The following ARHGEF17 variants were observed in gnomAD, a reference collection of about 807,000 sequenced individuals.
ARHGEF17 encodes the protein Rho guanine nucleotide exchange factor 17, also known as 164 kDa Rho-specific guanine-nucleotide exchange factor.
In ARHGEF17, 80 loss-of-function variants were observed where a neutral mutation model predicts 174.0. That is an observed-to-expected ratio of 0.46 (90% CI 0.38 to 0.55). The LOEUF is 0.55. ARHGEF17 is among the 20% of genes least tolerant of loss of function. ARHGEF17 has a pLI of 0.00. For synonymous variants in ARHGEF17, 1,311 were observed against 1,189.1 expected (o/e 1.10, Z -2.11); for missense variants, 2,886 against 2,839.7 (o/e 1.02, Z -0.37).
At chr11:73,366,766 G>A (rs145145228) in intron 20 of ARHGEF17, among the ~76,000 whole-genome samples, 6 of 152,224 alleles carry the variant, frequency 3.9e-5, no homozygotes, top group East Asian at 3.9e-4. Context: ...ATGGCCGGGC[G>A]TGGTGGCTGA....
At position 73,317,017 on chromosome 11, in the gene ARHGEF17, A is replaced by AGCT. The variant is rs1263916210; in HGVS notation, c.3192+5188_3192+5190dup. On this transcript the variant is annotated intron_variant, in intron 1 of 20. Transcript: ENST00000263674. ...ACCCCAATGTTCAAGGTGAACACAG[A>AGCT]GCTACAACTTCTCACATGGCTGGGC... Among the ~76,000 whole-genome samples the AGCT allele has an allele frequency of 1.5e-3, 221 of 151,408 alleles. 4 individuals are homozygous for AGCT. Among genetic ancestry groups the AGCT allele is most frequent in the Admixed American group, 0.014 (218 of 15,274 alleles).
chr11:73,311,730 C>CTCTGGCTGCACCGCCCA lies in ARHGEF17; in HGVS notation c.3108_3109insATCTGGCTGCACCGCCC (p.Ser1037IlefsTer42), dbSNP rs1565185940. ...GTGCCAGTGGACATGCCCTGCTTGC[C>CTCTGGCTGCACCGCCCA]TCTGGCTGCACCGCCCTCTGCTGAG... On this transcript the variant is annotated frameshift_variant, in exon 1 of 21. Transcript: ENST00000263674. LOFTEE classifies it high-confidence loss of function. The CTCTGGCTGCACCGCCCA allele has an allele frequency of 6.2e-7, 1 of 1,613,280 alleles. No homozygotes were observed. Among genetic ancestry groups the CTCTGGCTGCACCGCCCA allele is most frequent in the Non-Finnish European group, 8.5e-7 (1 of 1,180,036 alleles).
chr11:73,310,730 G>A lies in ARHGEF17; in HGVS notation c.2092G>A (p.Glu698Lys). 1.2e-6 allele frequency: 2 copies of A among 1,612,202 alleles called. No homozygotes were observed. Among genetic ancestry groups the A allele is most frequent in the Non-Finnish European group, 1.7e-6 (2 of 1,179,084 alleles). ...GGGCGGGTGGGCCCTGGTGTCGCCTGAGACCCCTCCCACACCAGGTGCCCT... is the reference window on the plus strand; with the variant it reads ...GGGCGGGTGGGCCCTGGTGTCGCCTAAGACCCCTCCCACACCAGGTGCCCT... Reference protein sequence around the residue: ...SLGGWALVSPETPPTPGALRR... With the variant: ...SLGGWALVSPKTPPTPGALRR... The change falls in exon 1 of 21, where the codon GAG becomes AAG. Residue 698 changes from glutamate to lysine, a missense_variant. Glu to Lys is a moderately conservative substitution (Grantham distance 56). Coordinates refer to ENST00000263674, the MANE Select transcript of ARHGEF17 (RefSeq NM_014786.4).
At position 73,365,504 on chromosome 11, in the gene ARHGEF17, G is replaced by T. The variant is rs1008030441; in HGVS notation, c.5665G>T (p.Asp1889Tyr). The T allele has an allele frequency of 1.2e-6, 2 of 1,614,172 alleles. No individual in the cohort carries two copies. The highest frequency in any genetic ancestry group is 1.7e-6 in the Non-Finnish European group (2 of 1,180,048). Residue 1889 changes from aspartate (D) to tyrosine (Y), a missense_variant, in exon 19 of 21, where the codon GAC (aspartate) becomes TAC (tyrosine). By Grantham distance (160) the Asp-to-Tyr change is radical (BLOSUM62 -3). Around this residue, in one of 4 missense-constraint regions of ARHGEF17, gnomAD observed 329 missense variants for 435.2 expected, o/e 0.76. Transcript: ENST00000263674. This position sits in a 1 kb window ranked among gnomAD's most constrained non-coding sequence, Gnocchi z 4.9. ...GSAHVCLYHPDTFEQLAEVDV... is the reference protein window; with the variant it reads ...GSAHVCLYHPYTFEQLAEVDV... ...TGCCCACGTGTGTCTCTACCATCCAGACACCTTTGAGCAGCTGGCAGAAGT... is the reference window on the plus strand; with the variant it reads ...TGCCCACGTGTGTCTCTACCATCCATACACCTTTGAGCAGCTGGCAGAAGT...
rs1327875344 is a variant in ARHGEF17, at chr11:73,365,809, G to A, written c.5857G>A (p.Val1953Ile). Residue 1953 changes from valine to isoleucine, a missense_variant, in exon 20 of 21, where the codon GTC becomes ATC. Val to Ile is a conservative substitution (Grantham distance 29, BLOSUM62 3). Coordinates refer to ENST00000263674, the MANE Select transcript of ARHGEF17 (RefSeq NM_014786.4). This position sits in a 1 kb window ranked among gnomAD's most constrained non-coding sequence, Gnocchi z 4.9. ...VLTMPTSPGT[V>I]SCPRAPLSPT... The stretch of plus-strand genomic sequence containing the variant: ...CACCATGCCCACTTCGCCCGGTACT[G>A]TCAGCTGCCCACGGGCACCACTCAG... The A allele has an allele frequency of 6.2e-7, 1 of 1,613,620 alleles. No individual in the cohort carries two copies. The highest frequency in any genetic ancestry group is 2.2e-5 in the East Asian group (1 of 44,890).
intron 1 of ARHGEF17, among the ~76,000 whole-genome samples, chr11:73,329,666 C>A (rs983424205): frequency 1.3e-5 from 2 of 152,078 alleles, no homozygotes; most frequent in Non-Finnish European, 2.9e-5. Flanking sequence ...TCCCAAAGTG[C>A]TGGGATTACA....
Position 73,356,957 on chromosome 11 carries a change from A to C in ARHGEF17, c.3892-68A>C. 1.9e-6 allele frequency: 3 copies of C among 1,555,234 alleles called. No homozygotes were observed. In the South Asian group the frequency reaches 3.4e-5, roughly 17 times the overall value. ...CCTGGGTCTCAGTGTCCCCTTGGGC[A>C]CTATGGGCAGGGGGGTGGGCTTCTG... On this transcript the variant is annotated intron_variant, in intron 7 of 20. Coordinates refer to ENST00000263674, the MANE Select transcript of ARHGEF17 (RefSeq NM_014786.4).
intron 9 of ARHGEF17, among the ~76,000 whole-genome samples, chr11:73,358,246 CAA>C (rs1187812542): frequency 6.6e-6 from 1 of 152,136 alleles, no homozygotes; most frequent in East Asian, 1.9e-4. Context: ...AATTTATAAA[CAA>C]GAGGAATGTA....
Position 73,310,981 on chromosome 11 carries a change from T to C in ARHGEF17, c.2343T>C (p.Ser781=). 1.2e-6 allele frequency: 2 copies of C among 1,614,036 alleles called. No homozygotes were observed. Among genetic ancestry groups the C allele is most frequent in the Non-Finnish European group, 1.7e-6 (2 of 1,179,976 alleles). The change falls in exon 1 of 21, where the codon AGT becomes AGC. Residue 781 remains serine (S), a synonymous_variant. Transcript: ENST00000263674. The part of the protein sequence containing the change: ...ATSAMDEGLT[S]GHSDWSVGSE... ...CAGCCATGGATGAGGGCTTGACCAG[T>C]GGTCACAGTGACTGGTCTGTGGGCA...
Position 73,355,522 on chromosome 11 carries a change from C to T in ARHGEF17, c.3454-11C>T, listed in dbSNP as rs867664812. On this transcript the variant is annotated splice_polypyrimidine_tract_variant and intron_variant, in intron 3 of 20. Coordinates refer to ENST00000263674, the MANE Select transcript of ARHGEF17 (RefSeq NM_014786.4). ...ACCTTGAGGGTCCCCAACCTGCCTC[C>T]TCCTCCACAGTTCTCCAAGGATGTC... The T allele has an allele frequency of 6.2e-7, 1 of 1,606,596 alleles. No individual in the cohort carries two copies. The highest frequency in any genetic ancestry group is 8.5e-7 in the Non-Finnish European group (1 of 1,173,226).
chr11:73,330,465 T>C (rs913063621), intron 1 of ARHGEF17, among the ~76,000 whole-genome samples: 5 of 152,234 alleles, frequency 3.3e-5, no homozygotes, highest in African/African-American at 1.2e-4. Flanking sequence ...GAGTTATGAC[T>C]GCAACTCTTT....
rs1270580669 is a variant in ARHGEF17 at position 73,329,358 on chromosome 11, TATATATA to T, written c.3193-17524_3193-17518del. ...ATATATATATATATATATATATATA[TATATATA>T]TATATATATTTTTTTTTTTTTTTTG... On this transcript the variant is annotated intron_variant, in intron 1 of 20. Transcript: ENST00000263674. 9.7e-4 allele frequency among the ~76,000 whole-genome samples: 22 copies of T among 22,680 alleles called. 4 individuals carry two copies. Among genetic ancestry groups the T allele is most frequent in the African/African-American group, 4.6e-3 (17 of 3,698 alleles). 14.9% of individuals were successfully genotyped at this position (22,680 alleles called of 152,430 possible).
At position 73,308,833 on chromosome 11, in the gene ARHGEF17, C is replaced by G; in HGVS notation, c.195C>G (p.Pro65=). 7.5e-7 allele frequency: 1 copy of G among 1,340,888 alleles called. No homozygotes were observed. The highest frequency in any genetic ancestry group is 4.1e-5 in the Admixed American group (1 of 24,288). The allele number at this position is 1,340,888 out of a possible 1,614,324, so 83.1% of individuals were successfully genotyped here. The change falls in exon 1 of 21, where the codon CCC becomes CCG. Residue 65 remains proline, a synonymous_variant. Coordinates refer to ENST00000263674, the MANE Select transcript of ARHGEF17 (RefSeq NM_014786.4). ...SRRVSKLASG[P]LAAPAQPRPL... ...GCGTGTCCAAGCTGGCGTCTGGGCC[C>G]CTGGCCGCCCCCGCGCAGCCGCGCC...
chr11:73,365,664 G>C lies in ARHGEF17; in HGVS notation c.5726-14G>C, dbSNP rs182758129. 5 of 1,610,712 alleles carry C rather than the reference G, an allele frequency of 3.1e-6. No individual in the cohort carries two copies. Among genetic ancestry groups the C allele is most frequent in the East Asian group, 2.2e-5 (1 of 44,812 alleles). On this transcript the variant is annotated splice_polypyrimidine_tract_variant and intron_variant, in intron 19 of 20. Coordinates refer to ENST00000263674, the MANE Select transcript of ARHGEF17 (RefSeq NM_014786.4). This position sits in a 1 kb window ranked among gnomAD's most constrained non-coding sequence, Gnocchi z 4.9. ...CAGAATTCAGCCCCAGCTGTGGTCT[G>C]TCTCCCACCCCAGGCTCGGATGCCA... is the stretch of plus-strand genomic sequence containing the variant.
intron 16 of ARHGEF17, 63 bp downstream of exon 16, chr11:73,363,896 C>A: frequency 6.6e-7 from 1 of 1,511,536 alleles, no homozygotes; most frequent in Admixed American, 1.7e-5. Context: ...AGGCCTCCTT[C>A]TGTTCATCTG....
intron 15 of ARHGEF17, 119 bp downstream of exon 15, chr11:73,363,574 G>A: frequency 6.6e-7 from 1 of 1,510,252 alleles, no homozygotes; most frequent in Non-Finnish European, 8.9e-7. Flanking sequence ...CAGGGGTACT[G>A]CTGACCAGGG....
Position 73,357,050 on chromosome 11 carries a change from G to A in ARHGEF17, c.3917G>A (p.Arg1306Gln), listed in dbSNP as rs748158033. ...AAGGCGATCGGTGGCAAGAAGGACC[G>A]GTCTCTCTTCCTGTTCACGGACCTC... The part of the protein sequence containing the change: ...EVKAIGGKKD[R>Q]SLFLFTDLIV... The change falls in exon 8 of 21, where the codon CGG (arginine) becomes CAG (glutamine). Residue 1306 changes from arginine to glutamine, a missense_variant. By Grantham distance (43) the Arg-to-Gln change is conservative. Coordinates refer to ENST00000263674, the MANE Select transcript of ARHGEF17 (RefSeq NM_014786.4). The A allele has an allele frequency of 1.6e-5, 26 of 1,614,148 alleles. No individual in the cohort carries two copies. The highest frequency in any genetic ancestry group is 2.2e-5 in the East Asian group (1 of 44,868).
chr11:73,351,915 C>A (rs1337827382), intron 2 of ARHGEF17, among the ~76,000 whole-genome samples: 2 of 152,120 alleles, frequency 1.3e-5, no homozygotes, highest in Non-Finnish European at 2.9e-5. Context: ...TACGAGATTT[C>A]CATATGTCAT....
intron 2 of ARHGEF17, among the ~76,000 whole-genome samples, chr11:73,349,280 G>A (rs1445790076): frequency 2.6e-5 from 4 of 152,166 alleles, no homozygotes; most frequent in African/African-American, 9.7e-5. Context: ...CCTCAAGTTT[G>A]CCTGCAAAAT....
Sources: allele counts gnomAD v4.1 joint callset (sites outside exome capture counted in the v4.1 genomes callset), GRCh38; gene constraint gnomAD v4.1.1; regional missense constraint gnomAD v4.1.1; non-coding constraint Gnocchi (gnomAD v3.1); transcripts MANE v1.5; gene names NCBI Gene and HGNC (gene_info 2026-07-23, HGNC 2026-07-21).